Variants in CBFA2T3 observed in about 807,000 individuals in gnomAD.
CBFA2T3 encodes transcriptional corepressor CBFA2T3.
In CBFA2T3, 31 loss-of-function variants were observed where a neutral mutation model predicts 58.6. That is an observed-to-expected ratio of 0.53 (90% CI 0.40 to 0.71). The LOEUF (loss-of-function observed/expected upper bound fraction) is 0.71, where lower values mean the gene tolerates loss of function less well. CBFA2T3 is among the 30% of genes least tolerant of loss of function. The pLI, the probability that CBFA2T3 is intolerant of heterozygous loss-of-function variation, is 0.00. For missense variants in CBFA2T3, 1,076 were observed against 963.1 expected (o/e 1.12, Z -1.55); for synonymous variants, 531 against 421.9 (o/e 1.26, Z -3.17).
intron 10 of CBFA2T3, among the ~76,000 whole-genome samples, chr16:88,880,189 A>T (rs1029827243): frequency 4.0e-5 from 6 of 151,892 alleles, no homozygotes; most frequent in African/African-American, 1.5e-4. Context: ...ACTGAAAGAG[A>T]CCCTGAGGCC....
chr16:88,885,028 C>T lies in CBFA2T3; in HGVS notation c.1117+18G>A, dbSNP rs1234261534. On this transcript the variant is annotated intron_variant, in intron 7 of 11. Coordinates refer to ENST00000268679, the MANE Select transcript of CBFA2T3 (RefSeq NM_005187.6). The surrounding 1 kb of genome is among the most constrained non-coding windows in gnomAD (Gnocchi z 5.3). ...CCTGTAACACGCGTCCACGCTCCCG[C>T]CCCACCGGGCTGCTCACCAAGCGGC... 1.3e-6 allele frequency: 2 copies of T among 1,571,822 alleles called. No homozygotes were observed. Among genetic ancestry groups the T allele is most frequent in the East Asian group, 2.3e-5 (1 of 44,140 alleles).
chr16:88,911,259 G>A (rs572046074), intron 1 of CBFA2T3, among the ~76,000 whole-genome samples: 12 of 152,332 alleles, frequency 7.9e-5, no homozygotes, highest in African/African-American at 1.9e-4. Context: ...GACGATGGAC[G>A]GCACGGGGTT....
At position 88,892,292 on chromosome 16, in the gene CBFA2T3, G is replaced by A. The variant is rs932942166; in HGVS notation, c.573C>T (p.Ile191=). The A allele has an allele frequency of 1.9e-6, 3 of 1,612,554 alleles. No homozygotes were observed. The African/African-American group carries it at 4.0e-5, about 22-fold the overall frequency. Reference sequence around the variant, plus strand: ...GCACGCGCTCCCCAATCTCTGGGGAGATGTCGCTGCCAAACTGCTGCAGTG... The same window carrying A: ...GCACGCGCTCCCCAATCTCTGGGGAAATGTCGCTGCCAAACTGCTGCAGTG... ...LTTLQQFGSD[I]SPEIGERVRT... The change falls in exon 4 of 12, where the codon ATC becomes ATT. Residue 191 remains isoleucine (I), a synonymous_variant. Coordinates refer to ENST00000268679, the MANE Select transcript of CBFA2T3 (RefSeq NM_005187.6).
At chr16:88,933,056 C>G (rs73256225) in intron 1 of CBFA2T3, among the ~76,000 whole-genome samples, 4,860 of 152,298 alleles carry the variant, frequency 0.032, 260 homozygotes, top group African/African-American at 0.11. Flanking sequence ...GAGCCAGGAC[C>G]CGGAGACGTC....
At chr16:88,943,307 G>A (rs550082786) in intron 1 of CBFA2T3, among the ~76,000 whole-genome samples, 6 of 152,224 alleles carry the variant, frequency 3.9e-5, no homozygotes, top group Non-Finnish European at 7.3e-5. Flanking sequence ...CAGCACCAGC[G>A]GCACGTCCGT....
intron 1 of CBFA2T3, among the ~76,000 whole-genome samples, chr16:88,926,044 G>A (rs991859297): frequency 9.3e-4 from 142 of 152,338 alleles, no homozygotes; most frequent in African/African-American, 3.3e-3. Flanking sequence ...AGACGGGGGA[G>A]GCCCCCGTGA....
chr16:88,876,875 C>A lies in CBFA2T3; in HGVS notation c.*101G>T. 1 of 972,978 alleles carries A rather than the reference C, an allele frequency of 1.0e-6. No individual in the cohort carries two copies. The highest frequency in any genetic ancestry group is 2.0e-5 in the South Asian group (1 of 50,160). The allele number at this position is 972,978 out of a possible 1,614,324, so 60.3% of individuals were successfully genotyped here. A position where few individuals can be genotyped will look rare whatever the true frequency, so the allele number is the denominator to read the frequency against. ...CCCCAGGTCAGGCGGGGCGCAGTGT[C>A]TGGCAGGCCAGGCATCGGAGGCCAG... is the stretch of plus-strand genomic sequence containing the variant. On this transcript the variant is annotated 3_prime_UTR_variant, in exon 12 of 12. Coordinates refer to ENST00000268679, the MANE Select transcript of CBFA2T3 (RefSeq NM_005187.6).
chr16:88,894,388 C>T (rs1969785968), intron 3 of CBFA2T3, among the ~76,000 whole-genome samples: 1 of 114,134 alleles, frequency 8.8e-6, no homozygotes, highest in South Asian at 2.8e-4. Flanking sequence ...AATGTACACA[C>T]ATGCACACAC....
intron 1 of CBFA2T3, among the ~76,000 whole-genome samples, chr16:88,967,660 G>A (rs13336575): frequency 0.15 from 22,424 of 152,184 alleles, 1,734 homozygotes; most frequent in Middle Eastern, 0.24. Flanking sequence ...GGCCGGGGAC[G>A]GGGACGGCGT....
chr16:88,929,873 C>T (rs1032954909), intron 1 of CBFA2T3, among the ~76,000 whole-genome samples: 1 of 149,722 alleles, frequency 6.7e-6, no homozygotes, highest in African/African-American at 2.5e-5. Context: ...CCCACAGCTG[C>T]ATCATCCACG....
chr16:88,976,336 G>A (rs1020304182), intron 1 of CBFA2T3, among the ~76,000 whole-genome samples: 2 of 152,092 alleles, frequency 1.3e-5, no homozygotes, highest in Non-Finnish European at 2.9e-5. Flanking sequence ...TCACTTCCCG[G>A]CTGCGGCCCT....
chr16:88,906,440 C>T (rs1326054854), intron 1 of CBFA2T3, among the ~76,000 whole-genome samples: 1 of 152,236 alleles, frequency 6.6e-6, no homozygotes, highest in Non-Finnish European at 1.5e-5. Flanking sequence ...CTCCCCGCTC[C>T]AGCCGCAAGA....
chr16:88,953,231 G>A lies in CBFA2T3; in HGVS notation c.151+23426C>T, dbSNP rs978780130. On this transcript the variant is annotated intron_variant, in intron 1 of 11. Transcript: ENST00000268679. This position sits in a 1 kb window ranked among gnomAD's most constrained non-coding sequence, Gnocchi z 4.9. ...GTCATGCTCAGCCAGACCCGCTCCC[G>A]GTGGAGAGGCCGAGGGACCCTCATT... Among the ~76,000 whole-genome samples the A allele has an allele frequency of 4.6e-5, 7 of 152,190 alleles. No individual in the cohort carries two copies. Among genetic ancestry groups the A allele is most frequent in the African/African-American group, 1.2e-4 (5 of 41,442 alleles).
At position 88,880,777 on chromosome 16, in the gene CBFA2T3, C is replaced by T. The variant is rs562946508; in HGVS notation, c.1414G>A (p.Glu472Lys). Residue 472 changes from glutamate (E) to lysine (K), a missense_variant, in exon 10 of 12, where the codon GAG becomes AAG. By Grantham distance (56) the Glu-to-Lys change is moderately conservative. Transcript: ENST00000268679. ...PEGPQLDVPR[E>K]FLPRTLTGYV... ...CCGGTGAGGGTCCTCGGCAGGAACT[C>T]GCGAGGCACGTCTGAAACAGGGGCC... is the stretch of plus-strand genomic sequence containing the variant. The T allele has an allele frequency of 9.5e-6, 15 of 1,584,080 alleles. No homozygotes were observed. Among genetic ancestry groups the T allele is most frequent in the East Asian group, 2.3e-5 (1 of 43,322 alleles).
intron 1 of CBFA2T3, among the ~76,000 whole-genome samples, chr16:88,924,285 C>T (rs915190983): frequency 2.0e-5 from 3 of 152,206 alleles, no homozygotes; most frequent in East Asian, 1.9e-4. Context: ...GCTGTGCTGA[C>T]GTGGGGCACA....
chr16:88,918,266 A>G (rs568140826), intron 1 of CBFA2T3, among the ~76,000 whole-genome samples: 6 of 152,228 alleles, frequency 3.9e-5, no homozygotes, highest in African/African-American at 1.4e-4. Context: ...TGAGGCACCA[A>G]GCTGGGCCCT....
intron 5 of CBFA2T3, among the ~76,000 whole-genome samples, chr16:88,888,824 G>A (rs1969506240): frequency 6.6e-6 from 1 of 151,934 alleles, no homozygotes; most frequent in Admixed American, 6.5e-5. Flanking sequence ...CACGAGGTGG[G>A]CTGGCCCTGA....
chr16:88,877,162 A>G lies in CBFA2T3; in HGVS notation c.1776T>C (p.Cys592=), dbSNP rs1434572058. ...HRDWEKHHHV[C]GQSLQGPTAV... ...CTGTGGGGCCCTGCAGGCTCTGGCC[A>G]CACACGTGGTGATGCTTCTCCCAGT... Residue 592 remains cysteine, a synonymous_variant, in exon 12 of 12, where the codon TGT becomes TGC. Transcript: ENST00000268679. 5.8e-6 allele frequency: 9 copies of G among 1,551,740 alleles called. No individual in the cohort carries two copies. The highest frequency in any genetic ancestry group is 7.0e-6 in the Non-Finnish European group (8 of 1,148,234).
In CBFA2T3 at chr16:88,906,882, C is replaced by T. The variant is rs535481952; in HGVS notation, c.152-5226G>A. Among the ~76,000 whole-genome samples the T allele has an allele frequency of 4.6e-5, 7 of 152,334 alleles. No homozygotes were observed. In the South Asian group the frequency reaches 1.2e-3, roughly 27 times the overall value. ...CCTGACTCAGCCTTGCTGGGACAGCCCAGGCATCCAGCCCCACGCTGGGAC... is the reference window on the plus strand; with the variant it reads ...CCTGACTCAGCCTTGCTGGGACAGCTCAGGCATCCAGCCCCACGCTGGGAC... On this transcript the variant is annotated intron_variant, in intron 1 of 11. Coordinates refer to ENST00000268679, the MANE Select transcript of CBFA2T3 (RefSeq NM_005187.6).
Sources: gnomAD v4.1 joint callset for allele counts (sites outside exome capture counted in the v4.1 genomes callset) on GRCh38, gnomAD v4.1.1 for gene constraint, Gnocchi (gnomAD v3.1) non-coding constraint, MANE v1.5 for transcripts, NCBI Gene and HGNC (gene_info 2026-07-23, HGNC 2026-07-21) for gene names.